The following LLGL2 variants were observed in gnomAD, a reference collection of about 807,000 sequenced individuals.
LLGL2 encodes LLGL scribble cell polarity complex component 2, also known as LLGL2, scribble cell polarity complex component.
In LLGL2, 81 loss-of-function variants were observed where a neutral mutation model predicts 123.2. The observed-to-expected ratio is 0.66, with a 90% CI of 0.55 to 0.79. The LOEUF is 0.79. LLGL2 is among the 30% of genes least tolerant of loss of function. The probability of loss-of-function intolerance (pLI) is 0.00; values close to 1 mark genes in which losing one functional copy is unlikely to be tolerated. For missense variants in LLGL2, 1,273 were observed against 1,414.6 expected, an observed-to-expected ratio of 0.90 and a Z score of 1.61; for synonymous variants, 577 against 594.1, an observed-to-expected ratio of 0.97 and a Z score of 0.42.
intron 2 of LLGL2, among the ~76,000 whole-genome samples, chr17:75,554,298 G>A (rs1417588714): frequency 1.4e-4 from 6 of 43,788 alleles, no homozygotes; most frequent in African/African-American, 3.4e-4. Context: ...GCAAAACTCC[G>A]TCTCAAAAAA....
intron 2 of LLGL2, among the ~76,000 whole-genome samples, chr17:75,551,123 T>A (rs2054653083): frequency 6.6e-6 from 1 of 152,214 alleles, no homozygotes; most frequent in Non-Finnish European, 1.5e-5. Context: ...CTTGGCCCTG[T>A]CCAGGTAGAG....
Position 75,533,276 on chromosome 17 carries a change from G to A in LLGL2, c.-31+7451G>A, listed in dbSNP as rs1178091458. Among the ~76,000 whole-genome samples, 3 of 147,938 alleles carry A rather than the reference G, an allele frequency of 2.0e-5. No individual in the cohort carries two copies. In the Admixed American group the frequency reaches 2.1e-4, roughly 10 times the overall value. Reference sequence around the variant, plus strand: ...AGCCTCCCAAAATGCTGGGATTACAGGCGTGAGCCACCGCACCTGGCCCTT... The same window carrying A: ...AGCCTCCCAAAATGCTGGGATTACAAGCGTGAGCCACCGCACCTGGCCCTT... On this transcript the variant is annotated intron_variant, in intron 1 of 25. Coordinates refer to ENST00000392550, the MANE Select transcript of LLGL2 (RefSeq NM_001031803.2).
rs763958592 is a variant in LLGL2 at position 75,571,060 on chromosome 17, C to A, written c.2136C>A (p.Phe712Leu). The A allele has an allele frequency of 1.9e-6, 3 of 1,612,838 alleles. No individual in the cohort carries two copies. Among genetic ancestry groups the A allele is most frequent in the Non-Finnish European group, 2.5e-6 (3 of 1,179,888 alleles). ...CGGCAGAGGACTCCTTCACAGGCTT[C>A]GTCCGGACCCTGTACTTTGCTGACA... ...ARSAEDSFTGFVRTLYFADTY... is the reference protein window; with the variant it reads ...ARSAEDSFTGLVRTLYFADTY... Residue 712 changes from phenylalanine (F) to leucine (L), a missense_variant, in exon 17 of 26, where the codon TTC (phenylalanine) becomes TTA (leucine). Phe to Leu is a conservative substitution (Grantham distance 22, BLOSUM62 0). Coordinates refer to ENST00000392550, the MANE Select transcript of LLGL2 (RefSeq NM_001031803.2).
At chr17:75,529,826 A>G (rs1037286470) in intron 1 of LLGL2, among the ~76,000 whole-genome samples, 26 of 151,962 alleles carry the variant, frequency 1.7e-4, no homozygotes, top group African/African-American at 5.8e-4. Flanking sequence ...GCGCCACTGC[A>G]CTCCAGCCTG....
In LLGL2 at chr17:75,549,453, A is replaced by G. The variant is rs1471125009; in HGVS notation, c.75+5952A>G. ...GCCTGGGCCTTCCCTGCCCGTGCCC[A>G]CCCTCCTCTGTCCCCTTAGGCCCTG... On this transcript the variant is annotated intron_variant, in intron 2 of 25. Coordinates refer to ENST00000392550, the MANE Select transcript of LLGL2 (RefSeq NM_001031803.2). The surrounding 1 kb of genome is among the most constrained non-coding windows in gnomAD (Gnocchi z 4.0). Among the ~76,000 whole-genome samples the G allele has an allele frequency of 3.5e-5, 5 of 144,720 alleles. No homozygotes were observed. Among genetic ancestry groups the G allele is most frequent in the Admixed American group, 6.8e-5 (1 of 14,786 alleles). 94.9% of individuals were successfully genotyped at this position (144,720 alleles called of 152,430 possible). A position where few individuals can be genotyped will look rare whatever the true frequency, so the allele number is the denominator to read the frequency against.
chr17:75,572,106 G>C (rs1185068434), intron 19 of LLGL2, 42 bp downstream of exon 19: 2 of 1,585,102 alleles, frequency 1.3e-6, no homozygotes, highest in South Asian at 1.1e-5. Context: ...GACTCCCCGG[G>C]ACATCCAGGA....
intron 1 of LLGL2, among the ~76,000 whole-genome samples, chr17:75,528,471 G>T (rs988778348): frequency 6.6e-6 from 1 of 152,134 alleles, no homozygotes; most frequent in African/African-American, 2.4e-5. Context: ...AGGCGTGGTG[G>T]CTTACACCTG....
At position 75,555,602 on chromosome 17, in the gene LLGL2, C is replaced by T. The variant is rs1251889186; in HGVS notation, c.76-444C>T. Among the ~76,000 whole-genome samples the T allele has an allele frequency of 3.3e-5, 5 of 152,194 alleles. No individual in the cohort carries two copies. The East Asian group carries it at 9.7e-4, about 30-fold the overall frequency. On this transcript the variant is annotated intron_variant, in intron 2 of 25. Coordinates refer to ENST00000392550, the MANE Select transcript of LLGL2 (RefSeq NM_001031803.2). ...AGCAGGGCAGGGCCTCCGCGGTACT[C>T]TAGGCCCCTGGGTGAGCCCGGAGCT... is the stretch of plus-strand genomic sequence containing the variant.
At chr17:75,529,620 TG>T (rs1399543356) in intron 1 of LLGL2, among the ~76,000 whole-genome samples, 3 of 151,978 alleles carry the variant, frequency 2.0e-5, no homozygotes, top group Admixed American at 1.3e-4. Flanking sequence ...CCCAGCACTT[TG>T]GGAGACCGAG....
At chr17:75,547,773 C>T (rs2054491861) in intron 2 of LLGL2, among the ~76,000 whole-genome samples, 2 of 151,578 alleles carry the variant, frequency 1.3e-5, no homozygotes, top group South Asian at 2.1e-4. Flanking sequence ...TGCAGTGAGC[C>T]GAGATCATGC....
intron 6 of LLGL2, among the ~76,000 whole-genome samples, chr17:75,560,802 TAAAAAAAAAAAAAA>T (rs372940306): frequency 0.032 from 3,042 of 96,168 alleles, 166 homozygotes; most frequent in African/African-American, 0.095. Context: ...GTTTATTTAT[TAAAAAAAAAAAAAA>T]AAAAAAAAAA....
Position 75,560,806 on chromosome 17 carries a change from A to T in LLGL2, c.530+1396A>T, listed in dbSNP as rs1284680780. 1.2e-4 allele frequency among the ~76,000 whole-genome samples: 6 copies of T among 51,970 alleles called. No homozygotes were observed. In the African/African-American group the frequency reaches 1.2e-3, roughly 10 times the overall value. 34.1% of individuals were successfully genotyped at this position (51,970 alleles called of 152,430 possible). The stretch of plus-strand genomic sequence containing the variant: ...TGGCCCAGTTTGTTTATTTATTAAA[A>T]AAAAAAAAAAAAAAAAAAAAAAAAA... On this transcript the variant is annotated intron_variant, in intron 6 of 25. Coordinates refer to ENST00000392550, the MANE Select transcript of LLGL2 (RefSeq NM_001031803.2).
intron 2 of LLGL2, among the ~76,000 whole-genome samples, chr17:75,548,771 G>A (rs1179375235): frequency 2.1e-5 from 3 of 144,186 alleles, no homozygotes; most frequent in Non-Finnish European, 4.6e-5. Context: ...AAAAAAAAAA[G>A]CCAAAGAAGT....
rs768081477 is a variant in LLGL2, at chr17:75,570,299, C to T, written c.1874+44C>T. On this transcript the variant is annotated intron_variant, in intron 15 of 25. Transcript: ENST00000392550. ...GTCCCGGGGCTGGGAGTGGGGCCCGCGAGGACTCCCAGGACCTAGCAGCAC... is the reference window on the plus strand; with the variant it reads ...GTCCCGGGGCTGGGAGTGGGGCCCGTGAGGACTCCCAGGACCTAGCAGCAC... The T allele has an allele frequency of 2.2e-5, 35 of 1,600,426 alleles. 2 individuals are homozygous for T. The South Asian group carries it at 2.8e-4, about 13-fold the overall frequency.
rs758601243 is a variant in LLGL2, at chr17:75,573,067, G to C, written c.2514G>C (p.Leu838=). 1 of 1,613,132 alleles carries C rather than the reference G, an allele frequency of 6.2e-7. No homozygotes were observed. The highest frequency in any genetic ancestry group is 1.1e-5 in the South Asian group (1 of 91,082). Residue 838 remains leucine, a synonymous_variant, in exon 20 of 26, where the codon CTG becomes CTC. Transcript: ENST00000392550. The stretch of plus-strand genomic sequence containing the variant: ...AGCTGAAGTTGAAGCTGACGGCCCT[G>C]GAGGGCTCAAGAGTGCGGCGGGTCA... ...SAKLKLKLTA[L]EGSRVRRVSV...
intron 1 of LLGL2, among the ~76,000 whole-genome samples, chr17:75,541,328 G>A (rs2054196889): frequency 6.6e-6 from 1 of 152,248 alleles, no homozygotes; most frequent in Admixed American, 6.5e-5. Context: ...CCGGGTGGGG[G>A]TGTGAGCCCT....
rs1335079760 is a variant in LLGL2 at position 75,575,086 on chromosome 17, C to T, written c.*208C>T. Reference sequence around the variant, plus strand: ...TTCCCGGGCCTCGTCTGTCTGGGTCCTTTGGTCAATGTTGCACAGTTTTTA... The same window carrying T: ...TTCCCGGGCCTCGTCTGTCTGGGTCTTTTGGTCAATGTTGCACAGTTTTTA... On this transcript the variant is annotated 3_prime_UTR_variant, in exon 26 of 26. Coordinates refer to ENST00000392550, the MANE Select transcript of LLGL2 (RefSeq NM_001031803.2). 1.1e-5 allele frequency: 7 copies of T among 653,798 alleles called. No individual in the cohort carries two copies. Among genetic ancestry groups the T allele is most frequent in the South Asian group, 1.0e-4 (6 of 57,534 alleles). 40.5% of individuals were successfully genotyped at this position (653,798 alleles called of 1,614,324 possible).
intron 7 of LLGL2, 64 bp downstream of exon 7, chr17:75,563,242 C>A: frequency 1.2e-6 from 2 of 1,608,302 alleles, no homozygotes; most frequent in Non-Finnish European, 8.5e-7. Flanking sequence ...GTGGCACATA[C>A]ACACTGTGCA....
intron 14 of LLGL2, among the ~76,000 whole-genome samples, 175 bp downstream of exon 14, chr17:75,569,500 A>G (rs2055596397): frequency 6.6e-6 from 1 of 152,180 alleles, no homozygotes; most frequent in Non-Finnish European, 1.5e-5. Flanking sequence ...TTTCTTCTCC[A>G]GAAATCGGAA....
Sources: allele counts gnomAD v4.1 joint callset (sites outside exome capture counted in the v4.1 genomes callset), GRCh38; gene constraint gnomAD v4.1.1; non-coding constraint Gnocchi (gnomAD v3.1); transcripts MANE v1.5; gene names NCBI Gene and HGNC (gene_info 2026-07-23, HGNC 2026-07-21).